The following SENP2 variants were observed in gnomAD, a reference collection of about 807,000 sequenced individuals.
SENP2 encodes SUMO specific peptidase 2.
A neutral mutation model predicts 86.3 loss-of-function variants in SENP2; 16 were observed. The ratio of observed to expected loss-of-function variants is 0.19; its 90% CI spans 0.13 to 0.28. The LOEUF (loss-of-function observed/expected upper bound fraction) is 0.28. Among genes scored for constraint, SENP2 ranks in the 10% least tolerant of loss-of-function variants. SENP2 has a pLI of 1.00. For missense variants in SENP2, 552 were observed against 703.0 expected (o/e 0.79, Z 2.43); for synonymous variants, 222 against 238.7 (o/e 0.93, Z 0.64).
intron 13 of SENP2, 34 bp from the exon 14 acceptor site, chr3:185,621,792 A>G: frequency 7.8e-7 from 1 of 1,277,840 alleles, no homozygotes; most frequent in South Asian, 1.3e-5. Context: ...CTTACATTTA[A>G]GATGTTTCTG....
chr3:185,586,649 C>CTACA lies in SENP2; in HGVS notation c.101+135_101+136insTACA. The CTACA allele has an allele frequency of 1.3e-6, 1 of 782,594 alleles. No homozygotes were observed. Among genetic ancestry groups the CTACA allele is most frequent in the Non-Finnish European group, 2.1e-6 (1 of 483,408 alleles). The allele number at this position is 782,594 out of a possible 1,614,324, so 48.5% of individuals were successfully genotyped here. ...GGGATCCTAGTGACGTAGTCGCTCC[C>CTACA]GCCAGGCTGTAGGGAGGCAGCTCCT... On this transcript the variant is annotated intron_variant, in intron 1 of 16. Coordinates refer to ENST00000296257, the MANE Select transcript of SENP2 (RefSeq NM_021627.3). The surrounding 1 kb of genome is among the most constrained non-coding windows in gnomAD (Gnocchi z 4.3).
intron 15 of SENP2, among the ~76,000 whole-genome samples, chr3:185,624,865 CAAA>C (rs55897322): frequency 9.3e-6 from 1 of 107,428 alleles, no homozygotes; most frequent in Non-Finnish European, 1.9e-5. Flanking sequence ...GAGACTGTCT[CAAA>C]AAAAAAAAAA....
chr3:185,618,785 A>G (rs1461062815), intron 12 of SENP2, among the ~76,000 whole-genome samples: 1 of 152,142 alleles, frequency 6.6e-6, no homozygotes, highest in Admixed American at 6.6e-5. Flanking sequence ...AGGCTGAGGC[A>G]GGAGAATGGT....
Position 185,619,489 on chromosome 3 carries a change from A to G in SENP2, c.1433A>G (p.His478Arg). 1 of 1,613,966 alleles carries G rather than the reference A, an allele frequency of 6.2e-7. No homozygotes were observed. The highest frequency in any genetic ancestry group is 8.5e-7 in the Non-Finnish European group (1 of 1,179,906). Reference sequence around the variant, plus strand: ...CTGGTGCCTATTCATCGGAAGGTACATTGGAGCCTGGTGGTGAGTAGAGAG... The same window carrying G: ...CTGGTGCCTATTCATCGGAAGGTACGTTGGAGCCTGGTGGTGAGTAGAGAG... ...IILVPIHRKV[H>R]WSLVVIDLRK... Residue 478 changes from histidine to arginine, a missense_variant, in exon 13 of 17, where the codon CAT becomes CGT. This residue lies in a region of SENP2 where 169 missense variants were observed against 275.7 expected (regional missense o/e 0.61). Coordinates refer to ENST00000296257, the MANE Select transcript of SENP2 (RefSeq NM_021627.3).
rs1206042436 is a variant in SENP2 at position 185,621,156 on chromosome 3, CAA to C, written c.1447-650_1447-649del. On this transcript the variant is annotated intron_variant, in intron 13 of 16. Transcript: ENST00000296257. ...TGGGTCACAGAGTGAGATCTTGTCT[CAA>C]AAAAAAAAAAAAAAAAAAAGAGAGA... Among the ~76,000 whole-genome samples the C allele has an allele frequency of 5.3e-3, 208 of 39,048 alleles. 1 individual carries two copies. The highest frequency in any genetic ancestry group is 0.026 in the Middle Eastern group (1 of 38). 25.6% of individuals were successfully genotyped at this position (39,048 alleles called of 152,430 possible).
chr3:185,599,419 C>T (rs1722273702), intron 4 of SENP2, among the ~76,000 whole-genome samples: 2 of 152,070 alleles, frequency 1.3e-5, no homozygotes, highest in Non-Finnish European at 2.9e-5. Context: ...GCCTTAGGTT[C>T]CCAGTTATCA....
chr3:185,616,184 A>T (rs1411469764), intron 11 of SENP2, among the ~76,000 whole-genome samples: 1 of 142,422 alleles, frequency 7.0e-6, no homozygotes, highest in African/African-American at 2.6e-5. Context: ...TAAAAGTTTA[A>T]AGGCGAGAAT....
intron 11 of SENP2, among the ~76,000 whole-genome samples, chr3:185,616,681 A>G (rs1004636220): frequency 1.3e-5 from 2 of 150,952 alleles, no homozygotes; most frequent in African/African-American, 4.9e-5. Context: ...AGGCTGAGGC[A>G]GGAGAATGGC....
chr3:185,595,436 GGTACTTATAACTATTA>G (rs1046334662), intron 2 of SENP2, among the ~76,000 whole-genome samples: 22 of 152,268 alleles, frequency 1.4e-4, no homozygotes, highest in Admixed American at 1.3e-3. Context: ...TGCATAGTTT[GGTACTTATAACTATTA>G]GCAAATTTCT....
intron 12 of SENP2, 106 bp from the exon 13 acceptor site, chr3:185,619,193 C>G: frequency 5.0e-6 from 4 of 797,332 alleles, no homozygotes; most frequent in Non-Finnish European, 8.3e-6. Flanking sequence ...TCTTTTTATC[C>G]TCTTCTTTAG....
At chr3:185,610,503 G>A (rs374448379) in intron 7 of SENP2, among the ~76,000 whole-genome samples, 2 of 152,080 alleles carry the variant, frequency 1.3e-5, no homozygotes, top group African/African-American at 4.8e-5. Context: ...GATTGTTTGC[G>A]AATAATCAGT....
At chr3:185,613,304 C>A in intron 9 of SENP2, 41 bp from the exon 10 acceptor site, 2 of 1,143,642 alleles carry the variant, frequency 1.7e-6, no homozygotes, top group South Asian at 2.7e-5. Context: ...AGGTTTGAAT[C>A]ATCTAGCAGA....
chr3:185,599,231 A>G (rs915938713), intron 4 of SENP2, among the ~76,000 whole-genome samples: 2 of 152,168 alleles, frequency 1.3e-5, no homozygotes, highest in Non-Finnish European at 2.9e-5. Context: ...AGTGTCCTCA[A>G]TGTGACTTAG....
chr3:185,619,666 C>T (rs1711765178), intron 13 of SENP2, 164 bp downstream of exon 13: 3 of 423,504 alleles, frequency 7.1e-6, no homozygotes, highest in African/African-American at 2.0e-5. Context: ...CCATCCTTCA[C>T]CCAACCCTTT....
intron 12 of SENP2, among the ~76,000 whole-genome samples, chr3:185,618,324 T>C (rs1451618248): frequency 6.6e-6 from 1 of 152,148 alleles, no homozygotes; most frequent in African/African-American, 2.4e-5. Flanking sequence ...AGCTGAAAAA[T>C]TTTGCCTAAC....
chr3:185,586,570 G>A lies in SENP2; in HGVS notation c.101+56G>A. The A allele has an allele frequency of 6.6e-7, 1 of 1,526,132 alleles. No homozygotes were observed. The highest frequency in any genetic ancestry group is 1.4e-5 in the African/African-American group (1 of 73,422). The allele number at this position is 1,526,132 out of a possible 1,614,324, so 94.5% of individuals were successfully genotyped here. On this transcript the variant is annotated intron_variant, in intron 1 of 16. Coordinates refer to ENST00000296257, the MANE Select transcript of SENP2 (RefSeq NM_021627.3). The surrounding 1 kb of genome is among the most constrained non-coding windows in gnomAD (Gnocchi z 4.3). Reference sequence around the variant, plus strand: ...GGCCTTACCCCCTCCCCCACAGCGGGCTCCTCGGCCGTGATAGCTTTGATT... The same window carrying A: ...GGCCTTACCCCCTCCCCCACAGCGGACTCCTCGGCCGTGATAGCTTTGATT...
chr3:185,609,112 T>A (rs1722605074), intron 6 of SENP2, 135 bp from the exon 7 acceptor site: 1 of 594,770 alleles, frequency 1.7e-6, no homozygotes, highest in South Asian at 2.5e-5. Flanking sequence ...AAAAAATGTA[T>A]AAAGTTAGTA....
At chr3:185,603,192 G>A (rs952894657) in intron 5 of SENP2, among the ~76,000 whole-genome samples, 6 of 151,734 alleles carry the variant, frequency 4.0e-5, no homozygotes, top group Non-Finnish European at 7.4e-5. Context: ...AATTACAGGC[G>A]TGAGCCACCA....
intron 13 of SENP2, among the ~76,000 whole-genome samples, chr3:185,620,065 T>A (rs532075236): frequency 2.7e-4 from 41 of 149,676 alleles, no homozygotes; most frequent in Non-Finnish European, 4.2e-4. Flanking sequence ...TTTTTTTTTT[T>A]AAATTTTTAT....
Sources: gnomAD v4.1 joint callset for allele counts (sites outside exome capture counted in the v4.1 genomes callset) on GRCh38, gnomAD v4.1.1 for gene constraint, gnomAD v4.1.1 regional missense constraint, Gnocchi (gnomAD v3.1) non-coding constraint, MANE v1.5 for transcripts, NCBI Gene and HGNC (gene_info 2026-07-23, HGNC 2026-07-21) for gene names.